Variants in BAZ2B observed in about 807,000 individuals in gnomAD.
The protein encoded by BAZ2B is bromodomain adjacent to zinc finger domain protein 2B.
Under a neutral mutation model 246.0 loss-of-function variants are expected in BAZ2B, and 91 were observed. The ratio of observed to expected loss-of-function variants is 0.37; its 90% CI spans 0.31 to 0.44. The LOEUF is 0.44. Among genes scored for constraint, BAZ2B ranks in the 20% least tolerant of loss-of-function variants. The probability of loss-of-function intolerance (pLI) is 1.00; values close to 1 mark genes in which losing one functional copy is unlikely to be tolerated. For synonymous variants in BAZ2B, 855 were observed against 860.0 expected, an observed-to-expected ratio of 0.99 and a Z score of 0.10; for missense variants, 2,332 against 2,533.7, an observed-to-expected ratio of 0.92 and a Z score of 1.71.
At chr2:159,396,743 T>C (rs529404828) in intron 19 of BAZ2B, among the ~76,000 whole-genome samples, 87 of 152,302 alleles carry the variant, frequency 5.7e-4, no homozygotes, top group Non-Finnish European at 3.5e-4. Context: ...CTGTATTCAA[T>C]GGCAGTTTTG....
At chr2:159,470,130 G>T (rs1246439517) in intron 3 of BAZ2B, among the ~76,000 whole-genome samples, 1 of 152,094 alleles carries the variant, frequency 6.6e-6, no homozygotes, top group Non-Finnish European at 1.5e-5. Context: ...TGCAAGATTG[G>T]CTTAACTATA....
the BAZ2B span, among the ~76,000 whole-genome samples, chr2:159,659,321 G>C: frequency 6.6e-6 from 1 of 152,080 alleles, no homozygotes; most frequent in Non-Finnish European, 1.5e-5. Context: ...TCTGTGTGTG[G>C]GTTGCAGAAC....
chr2:159,515,596 T>G (rs1386167509), intron 2 of BAZ2B, among the ~76,000 whole-genome samples: 2 of 152,106 alleles, frequency 1.3e-5, no homozygotes, highest in African/African-American at 4.8e-5. Flanking sequence ...TTTGTAACAC[T>G]ATACAGAAAT....
the BAZ2B span, among the ~76,000 whole-genome samples, chr2:159,705,514 T>C: frequency 6.6e-6 from 1 of 152,200 alleles, no homozygotes; most frequent in Non-Finnish European, 1.5e-5. Flanking sequence ...AAATTCAATA[T>C]ATAACAAAGG....
At chr2:159,619,252 T>A (rs576492221), upstream of BAZ2B, among the ~76,000 whole-genome samples, 1 of 152,066 alleles carries the variant, frequency 6.6e-6, no homozygotes, top group Non-Finnish European at 1.5e-5. Flanking sequence ...CAAAGTTGTC[T>A]TTTACTTGAT....
the BAZ2B span, among the ~76,000 whole-genome samples, chr2:159,669,283 A>T: frequency 3.9e-5 from 6 of 152,192 alleles, no homozygotes; most frequent in East Asian, 1.2e-3. Context: ...TTGAATTTTA[A>T]TTCTGTTGTG....
chr2:159,519,210 C>CTTTTTTTTTTTTTTTTTT (rs564614568), intron 2 of BAZ2B, among the ~76,000 whole-genome samples: 11 of 57,770 alleles, frequency 1.9e-4, no homozygotes, highest in Non-Finnish European at 2.4e-4. Context: ...ATTCTATTTT[C>CTTTTTTTTTTTTTTTTTT]TTTTTTTTTT....
chr2:159,474,469 C>T (rs540634794), intron 3 of BAZ2B, among the ~76,000 whole-genome samples: 1 of 152,260 alleles, frequency 6.6e-6, no homozygotes, highest in Admixed American at 6.5e-5. Flanking sequence ...TGAGATGGGG[C>T]TCCTGAATAC....
At chr2:159,550,334 T>C (rs1353267898) in intron 2 of BAZ2B, among the ~76,000 whole-genome samples, 1 of 152,184 alleles carries the variant, frequency 6.6e-6, no homozygotes, top group Non-Finnish European at 1.5e-5. Flanking sequence ...TTTTCTTTCT[T>C]ACTGCTGCTT....
At chr2:159,473,092 T>A (rs938687087) in intron 3 of BAZ2B, among the ~76,000 whole-genome samples, 1 of 152,208 alleles carries the variant, frequency 6.6e-6, no homozygotes, top group African/African-American at 2.4e-5. Flanking sequence ...CTGGTAGAAT[T>A]CGGCTGTGAA....
intron 3 of BAZ2B, among the ~76,000 whole-genome samples, chr2:159,466,501 A>G (rs180742993): frequency 3.9e-5 from 6 of 152,332 alleles, no homozygotes; most frequent in Middle Eastern, 6.8e-3. Context: ...AAGTAAAACA[A>G]CACCAAATGT....
chr2:159,412,088 T>A, intron 14 of BAZ2B: 1 of 478,114 alleles, frequency 2.1e-6, no homozygotes, highest in Non-Finnish European at 2.7e-6. Flanking sequence ...CTTAAAAGCT[T>A]AACACCCACC....
chr2:159,501,132 ATATATTTTATATATATAATATATAT>A (rs1282344581), intron 2 of BAZ2B, among the ~76,000 whole-genome samples: 4 of 36,628 alleles, frequency 1.1e-4, no homozygotes, highest in Non-Finnish European at 2.1e-4. Context: ...TAATATATAT[ATATATTTTATATATATAATATATAT>A]AAATATATAA....
At chr2:159,327,978 T>C (rs1467667190) in intron 34 of BAZ2B, among the ~76,000 whole-genome samples, 4 of 142,948 alleles carry the variant, frequency 2.8e-5, no homozygotes, top group African/African-American at 1.1e-4. Flanking sequence ...GGCACAAGAA[T>C]CACTTGAACC....
chr2:159,638,443 C>T, the BAZ2B span, among the ~76,000 whole-genome samples: 129 of 152,280 alleles, frequency 8.5e-4, no homozygotes, highest in Middle Eastern at 0.014. Flanking sequence ...AGATATATGA[C>T]CTTTCAGACA....
chr2:159,555,661 ATAAC>A (rs572089860), intron 2 of BAZ2B, 158 bp downstream of exon 2: 6 of 139,396 alleles, frequency 4.3e-5, no homozygotes, highest in Non-Finnish European at 7.6e-5. Context: ...AAGTATTTAA[ATAAC>A]TAGCTAGAAG....
At chr2:159,643,876 C>CA in the BAZ2B span, among the ~76,000 whole-genome samples, 586 of 65,744 alleles carry the variant, frequency 8.9e-3, 2 homozygotes, top group South Asian at 0.021. Context: ...AACTCCATCA[C>CA]AAAAAAAAAA....
At chr2:159,444,291 G>C (rs1448553031) in intron 6 of BAZ2B, 1 of 152,170 alleles carries the variant, frequency 6.6e-6, no homozygotes, top group Non-Finnish European at 1.5e-5. Flanking sequence ...TATCATGTTT[G>C]CTTCAGTGCT....
chr2:159,481,828 T>C (rs1206723933), intron 2 of BAZ2B, among the ~76,000 whole-genome samples: 1 of 151,366 alleles, frequency 6.6e-6, no homozygotes, highest in Admixed American at 6.6e-5. Context: ...GGTTGGAGAC[T>C]AAGGAGACTA....
Sources: gnomAD v4.1 joint callset for allele counts (sites outside exome capture counted in the v4.1 genomes callset) on GRCh38, gnomAD v4.1.1 for gene constraint, MANE v1.5 for transcripts, NCBI Gene and HGNC (gene_info 2026-07-23, HGNC 2026-07-21) for gene names.